The following DENND1A variants were observed in gnomAD, a reference collection of about 807,000 sequenced individuals.
DENND1A encodes the protein DENN domain-containing protein 1A.
Under a neutral mutation model 113.7 loss-of-function variants are expected in DENND1A, and 51 were observed. The ratio of observed to expected loss-of-function variants is 0.45; its 90% CI spans 0.36 to 0.57. The LOEUF is 0.57. Among genes scored for constraint, DENND1A ranks in the 20% least tolerant of loss-of-function variants. The pLI, the probability that DENND1A is intolerant of heterozygous loss-of-function variation, is 0.00. For synonymous variants in DENND1A, 565 were observed against 570.8 expected (o/e 0.99, Z 0.14); for missense variants, 1,258 against 1,395.9 (o/e 0.90, Z 1.57).
chr9:123,565,020 C>T (rs532648177), intron 12 of DENND1A, among the ~76,000 whole-genome samples: 17 of 121,286 alleles, frequency 1.4e-4, no homozygotes, highest in African/African-American at 5.1e-4. Context: ...TGGAGTCTCA[C>T]TTACTCTGTT....
chr9:123,553,915 G>A (rs1432192037), intron 13 of DENND1A, among the ~76,000 whole-genome samples: 4 of 152,000 alleles, frequency 2.6e-5, no homozygotes, highest in Non-Finnish European at 5.9e-5. Flanking sequence ...GTGCCACCAC[G>A]CCCAACTAAT....
At chr9:123,607,714 T>C (rs995398038) in intron 11 of DENND1A, among the ~76,000 whole-genome samples, 14 of 150,452 alleles carry the variant, frequency 9.3e-5, no homozygotes, top group Non-Finnish European at 8.9e-5. Flanking sequence ...AGCTGAGTCA[T>C]TGACATTGAC....
chr9:123,913,086 T>C (rs1006350060), intron 1 of DENND1A, among the ~76,000 whole-genome samples: 1 of 131,862 alleles, frequency 7.6e-6, no homozygotes, highest in Non-Finnish European at 1.5e-5. Context: ...CAGAGCAGTG[T>C]CAGAGAAAGC....
In DENND1A at chr9:123,457,460, C is replaced by CA. The variant is rs754374037; in HGVS notation, c.1099-26dup. ...ACTATAGAAAGAAGGAACAAAAGCA[C>CA]AACAGCTCGTACAAAGAAAAGGGGG... On this transcript the variant is annotated intron_variant, in intron 14 of 23. Transcript: ENST00000394215. 6 of 1,567,360 alleles carry CA rather than the reference C, an allele frequency of 3.8e-6. No homozygotes were observed. The Admixed American group carries it at 1.0e-4, about 26-fold the overall frequency.
At chr9:123,770,151 T>C (rs1025828601) in intron 3 of DENND1A, among the ~76,000 whole-genome samples, 2 of 152,254 alleles carry the variant, frequency 1.3e-5, no homozygotes, top group African/African-American at 2.4e-5. Flanking sequence ...ATATTTATTT[T>C]GGAACCAAAC....
At chr9:123,680,493 G>C (rs1362654687) in intron 5 of DENND1A, among the ~76,000 whole-genome samples, 1 of 152,226 alleles carries the variant, frequency 6.6e-6, no homozygotes, top group African/African-American at 2.4e-5. Context: ...CTCCAAATAT[G>C]GCGGACATGG....
chr9:123,684,233 G>C (rs2140261297), intron 5 of DENND1A, among the ~76,000 whole-genome samples: 1 of 152,214 alleles, frequency 6.6e-6, no homozygotes, highest in South Asian at 2.1e-4. Context: ...AATTGTTCAA[G>C]AATCCTCTAA....
At chr9:123,477,632 T>A (rs982244265) in intron 13 of DENND1A, among the ~76,000 whole-genome samples, 1 of 151,694 alleles carries the variant, frequency 6.6e-6, no homozygotes, top group Non-Finnish European at 1.5e-5. Flanking sequence ...AAAGAGCCAA[T>A]GCATGCTGGG....
At chr9:123,599,771 C>T (rs989913447) in intron 11 of DENND1A, among the ~76,000 whole-genome samples, 15 of 152,166 alleles carry the variant, frequency 9.9e-5, no homozygotes, top group African/African-American at 2.4e-5. Context: ...CAGAAAATGC[C>T]GGATTTCGGC....
intron 19 of DENND1A, among the ~76,000 whole-genome samples, chr9:123,430,341 T>C (rs1456132849): frequency 1.3e-5 from 2 of 152,224 alleles, no homozygotes; most frequent in Non-Finnish European, 2.9e-5. Flanking sequence ...ACTGGTTATA[T>C]GCCCAAAGGA....
At chr9:123,690,703 C>T (rs1272702856) in intron 5 of DENND1A, among the ~76,000 whole-genome samples, 4 of 152,066 alleles carry the variant, frequency 2.6e-5, no homozygotes, top group Non-Finnish European at 4.4e-5. Context: ...AAACAAACAG[C>T]CACAGGTATG....
At chr9:123,523,792 G>T (rs1038875994) in intron 13 of DENND1A, among the ~76,000 whole-genome samples, 4 of 152,204 alleles carry the variant, frequency 2.6e-5, no homozygotes, top group African/African-American at 9.7e-5. Context: ...AGTATTCAAT[G>T]TATGGGCTAT....
At chr9:123,500,002 T>C (rs76438231) in intron 13 of DENND1A, among the ~76,000 whole-genome samples, 12,335 of 152,292 alleles carry the variant, frequency 0.081, 529 homozygotes, top group Admixed American at 0.094. Context: ...AGGAAAGCCC[T>C]ATACCCCTTT....
intron 11 of DENND1A, among the ~76,000 whole-genome samples, chr9:123,587,580 C>T (rs1269267896): frequency 6.6e-6 from 1 of 152,102 alleles, no homozygotes; most frequent in African/African-American, 2.4e-5. Context: ...CCCATGCGTC[C>T]GTTTATAGGC....
At chr9:123,897,438 C>G (rs1335769957) in intron 1 of DENND1A, among the ~76,000 whole-genome samples, 1 of 152,200 alleles carries the variant, frequency 6.6e-6, no homozygotes, top group Non-Finnish European at 1.5e-5. Flanking sequence ...TTCCCTACAA[C>G]CAGAGGAAGT....
At position 123,401,976 on chromosome 9, in the gene DENND1A, C is replaced by T; in HGVS notation, c.1631+1426G>A. 6 of 1,603,592 alleles carry T rather than the reference C, an allele frequency of 3.7e-6. No homozygotes were observed. In the South Asian group the frequency reaches 5.5e-5, roughly 15 times the overall value. ...ATCAACAGGCCTGTGACCCTGTATC[C>T]TGGTACAGTGTCTAAAAGGTTTAGT... On this transcript the variant is annotated intron_variant, in intron 21 of 23. Coordinates refer to ENST00000394215, the MANE Select transcript of DENND1A (RefSeq NM_001352964.2).
chr9:123,424,807 A>G (rs534579790), intron 19 of DENND1A, among the ~76,000 whole-genome samples: 2 of 152,388 alleles, frequency 1.3e-5, no homozygotes, highest in South Asian at 4.1e-4. Flanking sequence ...TGTTGAGAAC[A>G]TTAAGTGAGA....
intron 2 of DENND1A, among the ~76,000 whole-genome samples, chr9:123,831,613 C>T (rs1840225260): frequency 6.6e-6 from 1 of 152,018 alleles, no homozygotes; most frequent in Admixed American, 6.5e-5. Context: ...AGGAAGAGAC[C>T]CCTGCATACA....
At chr9:123,449,809 T>C (rs2047574610) in intron 18 of DENND1A, among the ~76,000 whole-genome samples, 1 of 151,992 alleles carries the variant, frequency 6.6e-6, no homozygotes, top group Non-Finnish European at 1.5e-5. Flanking sequence ...TGCAAAGGCA[T>C]AAGAATGAGA....
Sources: allele counts gnomAD v4.1 joint callset (sites outside exome capture counted in the v4.1 genomes callset), GRCh38; gene constraint gnomAD v4.1.1; transcripts MANE v1.5; gene names NCBI Gene and HGNC (gene_info 2026-07-23, HGNC 2026-07-21).